DNHD1: variants seen among roughly 807,000 people sequenced by gnomAD.
DNHD1 encodes dynein heavy chain domain 1, also known as dynein heavy chain domain-containing protein 1.
A neutral mutation model predicts 458.1 loss-of-function variants in DNHD1; 383 were observed. The ratio of observed to expected loss-of-function variants is 0.84; its 90% CI spans 0.77 to 0.91. DNHD1 has a LOEUF of 0.91. Among genes scored for constraint, DNHD1 ranks in the 40% least tolerant of loss-of-function variants. The pLI is 0.00. For missense variants in DNHD1, 5,336 were observed against 5,866.1 expected, an observed-to-expected ratio of 0.91 and a Z score of 2.95; for synonymous variants, 2,203 against 2,376.9, an observed-to-expected ratio of 0.93 and a Z score of 2.13.
Position 6,557,229 on chromosome 11 carries a change from G to A in DNHD1, c.7934G>A (p.Arg2645His), listed in dbSNP as rs554435572. The change falls in exon 25 of 43, where the codon CGT becomes CAT. Residue 2645 changes from arginine to histidine, a missense_variant. By Grantham distance (29) the Arg-to-His change is conservative. This residue lies in a region of DNHD1 where 3,932 missense variants were observed against 4,365.6 expected (regional missense o/e 0.90). Transcript: ENST00000254579. ...TVMMATRNVV[R>H]LWLHEAQRTF... The stretch of plus-strand genomic sequence containing the variant: ...ATGATGGCCACACGCAATGTGGTGC[G>A]TCTTTGGTTGCATGAGGCACAGAGA... The A allele has an allele frequency of 7.0e-5, 108 of 1,551,554 alleles. 2 individuals are homozygous for A. In the South Asian group the frequency reaches 7.6e-4, roughly 11 times the overall value.
At chr11:6,506,235 C>A (rs771340349) in intron 4 of DNHD1, among the ~76,000 whole-genome samples, 4 of 152,164 alleles carry the variant, frequency 2.6e-5, no homozygotes, top group Non-Finnish European at 5.9e-5. Flanking sequence ...GCCAAGCTTT[C>A]AACAGACTCA....
At chr11:6,512,352 C>T (rs1852358016) in intron 7 of DNHD1, among the ~76,000 whole-genome samples, 1 of 150,450 alleles carries the variant, frequency 6.6e-6, no homozygotes, top group Non-Finnish European at 1.5e-5. Flanking sequence ...TCCCAAGTAG[C>T]TGGGACTACA....
At chr11:6,532,599 A>G (rs1365145512) in intron 12 of DNHD1, among the ~76,000 whole-genome samples, 1 of 152,140 alleles carries the variant, frequency 6.6e-6, no homozygotes, top group Non-Finnish European at 1.5e-5. Context: ...ATCTTTTTGG[A>G]GAATTAATAC....
intron 4 of DNHD1, among the ~76,000 whole-genome samples, chr11:6,504,680 C>T (rs948419492): frequency 2.6e-5 from 4 of 152,146 alleles, no homozygotes; most frequent in Admixed American, 2.6e-4. Context: ...AACTCCTGAC[C>T]TCAAGTGATC....
At chr11:6,499,954 T>G (rs1222537632) in intron 3 of DNHD1, among the ~76,000 whole-genome samples, 1 of 134,676 alleles carries the variant, frequency 7.4e-6, no homozygotes, top group Non-Finnish European at 1.6e-5. Flanking sequence ...CTCAGCGTTC[T>G]CTAACTTTCG....
chr11:6,567,920 G>C (rs1853745744), intron 36 of DNHD1, 60 bp downstream of exon 36: 2 of 1,499,694 alleles, frequency 1.3e-6, no homozygotes, highest in African/African-American at 1.4e-5. Context: ...GGGCATGGGG[G>C]ACCCCCTCCA....
At chr11:6,521,891 AT>A (rs1395589257) in intron 10 of DNHD1, among the ~76,000 whole-genome samples, 1 of 151,956 alleles carries the variant, frequency 6.6e-6, no homozygotes, top group African/African-American at 2.4e-5. Context: ...TAATTTTTAA[AT>A]TTTTTGTAGA....
Position 6,511,424 on chromosome 11 carries a change from C to T in DNHD1, c.1387C>T (p.Arg463Ter), listed in dbSNP as rs767629627. The change falls in exon 7 of 43, where the codon CGA becomes TGA. Residue 463 changes from arginine (R) to a stop codon, truncating the protein, a stop_gained. Coordinates refer to ENST00000254579, the MANE Select transcript of DNHD1 (RefSeq NM_144666.3). LOFTEE classifies it high-confidence loss of function. ...RCLNLCTSIL[R>*]LVHEDTYHMQ... ...CCTAAACCTCTGCACATCCATTCTTCGACTGGTAAGAGGCTCTTAGTTTAT... is the reference window on the plus strand; with the variant it reads ...CCTAAACCTCTGCACATCCATTCTTTGACTGGTAAGAGGCTCTTAGTTTAT... The T allele has an allele frequency of 9.0e-5, 145 of 1,613,958 alleles. No homozygotes were observed. Among genetic ancestry groups the T allele is most frequent in the Non-Finnish European group, 1.1e-4 (133 of 1,179,980 alleles).
In DNHD1 at chr11:6,547,534, A is replaced by C; in HGVS notation, c.6595A>C (p.Ser2199Arg). 1 of 1,551,308 alleles carries C rather than the reference A, an allele frequency of 6.4e-7. No homozygotes were observed. Among genetic ancestry groups the C allele is most frequent in the South Asian group, 1.2e-5 (1 of 84,038 alleles). Residue 2199 changes from serine to arginine, a missense_variant, in exon 21 of 43, where the codon AGC (serine) becomes CGC (arginine). By Grantham distance (110) the Ser-to-Arg change is moderately radical (BLOSUM62 -1). Coordinates refer to ENST00000254579, the MANE Select transcript of DNHD1 (RefSeq NM_144666.3). ...TLRFLTCQGV[S>R]SLLQVHGQQA... ...GCGATTCCTCACCTGCCAAGGTGTC[A>C]GCTCTCTGCTGCAGGTACACGGGCA...
chr11:6,547,831 G>A (rs1321736316), intron 21 of DNHD1, 32 bp from the exon 22 acceptor site: 3 of 1,549,098 alleles, frequency 1.9e-6, no homozygotes, highest in Admixed American at 3.9e-5. Flanking sequence ...TTTCTACTGG[G>A]GCTCCTCTCG....
chr11:6,558,058 G>T lies in DNHD1; in HGVS notation c.8763G>T (p.Glu2921Asp), dbSNP rs372037618. 1.4e-5 allele frequency: 22 copies of T among 1,551,746 alleles called. No homozygotes were observed. The African/African-American group carries it at 2.5e-4, about 17-fold the overall frequency. ...TTCATCTACCATCTGGGTCAGAGGA[G>T]GCCATTCTCCAATGTCTACGAGATG... ...HFFHLPSGSE[E>D]AILQCLRDAS... Residue 2921 changes from glutamate to aspartate, a missense_variant, in exon 25 of 43, where the codon GAG becomes GAT. By Grantham distance (45) the Glu-to-Asp change is conservative. Transcript: ENST00000254579.
chr11:6,544,940 G>A lies in DNHD1; in HGVS notation c.4001G>A (p.Gly1334Glu), dbSNP rs1251226708. 6.4e-7 allele frequency: 1 copy of A among 1,551,728 alleles called. No homozygotes were observed. The highest frequency in any genetic ancestry group is 2.0e-5 in the Admixed American group (1 of 51,008). ...GQQLQQLLQA[G>E]SVELEGIIMS... ...CAGCTGCAACAACTGCTGCAAGCAG[G>A]ATCGGTGGAGCTGGAGGGCATCATC... The change falls in exon 21 of 43, where the codon GGA becomes GAA. Residue 1334 changes from glycine to glutamate, a missense_variant. By Grantham distance (98) the Gly-to-Glu change is moderately conservative (BLOSUM62 -2). Transcript: ENST00000254579.
intron 7 of DNHD1, among the ~76,000 whole-genome samples, chr11:6,513,183 T>C (rs771784003): frequency 1.3e-5 from 2 of 152,204 alleles, no homozygotes; most frequent in Non-Finnish European, 2.9e-5. Context: ...ATAAAAATAG[T>C]TATAACTTTT....
chr11:6,546,002 C>CT lies in DNHD1; in HGVS notation c.5064dup (p.Asn1689Ter). On this transcript the variant is annotated frameshift_variant, in exon 21 of 43. Transcript: ENST00000254579. ...GTGGCCTGTGGGACCGTACTGGGTC[C>CT]TAATGGTGTGGGCAAGAGAGCTATA... 3 of 1,551,752 alleles carry CT rather than the reference C, an allele frequency of 1.9e-6. No homozygotes were observed. Among genetic ancestry groups the CT allele is most frequent in the Non-Finnish European group, 1.7e-6 (2 of 1,146,992 alleles).
At position 6,559,099 on chromosome 11, in the gene DNHD1, GC is replaced by G. The variant is rs1318441786; in HGVS notation, c.9412del (p.Gln3138SerfsTer10). 2 of 1,551,610 alleles carry G rather than the reference GC, an allele frequency of 1.3e-6. No individual in the cohort carries two copies. Among genetic ancestry groups the G allele is most frequent in the Non-Finnish European group, 1.7e-6 (2 of 1,146,988 alleles). ...QQTILKIKNK[A>X]QRVQNALENL... ...GACAATCCTGAAGATTAAGAACAAGGCCCAGCGGTGAGTGTCCCGTCCCCTG... is the reference window on the plus strand; with the variant it reads ...GACAATCCTGAAGATTAAGAACAAGGCCAGCGGTGAGTGTCCCGTCCCCTG... On this transcript the variant is annotated frameshift_variant, in exon 27 of 43. Transcript: ENST00000254579. LOFTEE classifies it high-confidence loss of function.
rs1350804498 is a variant in DNHD1 at position 6,557,979 on chromosome 11, C to G, written c.8684C>G (p.Thr2895Ser). Residue 2895 changes from threonine (T) to serine (S), a missense_variant, in exon 25 of 43, where the codon ACT becomes AGT. Transcript: ENST00000254579. Reference sequence around the variant, plus strand: ...CTGCTGCTCTCGGGGGCTCTGGGTACTGGGCGCCACACTGCCATCACTCTG... The same window carrying G: ...CTGCTGCTCTCGGGGGCTCTGGGTAGTGGGCGCCACACTGCCATCACTCTG... Reference protein sequence around the residue: ...HGLLLSGALGTGRHTAITLAS... With the variant: ...HGLLLSGALGSGRHTAITLAS... 12 of 1,551,594 alleles carry G rather than the reference C, an allele frequency of 7.7e-6. No homozygotes were observed. The highest frequency in any genetic ancestry group is 1.0e-5 in the Non-Finnish European group (12 of 1,147,014).
chr11:6,553,023 T>C (rs1417575329), intron 24 of DNHD1, among the ~76,000 whole-genome samples: 1 of 152,094 alleles, frequency 6.6e-6, no homozygotes, highest in Non-Finnish European at 1.5e-5. Flanking sequence ...TTTCAGAAAA[T>C]GGAGAATACT....
Position 6,538,645 on chromosome 11 carries a change from G to A in DNHD1, c.3160G>A (p.Gly1054Ser), listed in dbSNP as rs1263553152. 3 of 1,545,674 alleles carry A rather than the reference G, an allele frequency of 1.9e-6. No individual in the cohort carries two copies. The highest frequency in any genetic ancestry group is 2.6e-6 in the Non-Finnish European group (3 of 1,142,762). The change falls in exon 16 of 43, where the codon GGC (glycine) becomes AGC (serine). Residue 1054 changes from glycine to serine, a missense_variant. Coordinates refer to ENST00000254579, the MANE Select transcript of DNHD1 (RefSeq NM_144666.3). ...AGCTATGGCCCAGGAGAAGACAGAG[G>A]GCTGGCTGACAGAGGCAGCACGGAT... ...SPAMAQEKTE[G>S]WLTEAARMST...
chr11:6,563,564 G>C lies in DNHD1; in HGVS notation c.9852G>C (p.Gln3284His). The change falls in exon 30 of 43, where the codon CAG becomes CAC. Residue 3284 changes from glutamine to histidine, a missense_variant and splice_region_variant. Physicochemically the swap from Gln to His is conservative, Grantham distance 24. Coordinates refer to ENST00000254579, the MANE Select transcript of DNHD1 (RefSeq NM_144666.3). ...KQLLCTEDFY[Q>H]ELVFFPKEKI... ...TGTTATGCACTGAGGATTTTTATCA[G>C]GTAGGAAGGGTGGAGCACAATGAAG... 1 of 1,551,424 alleles carries C rather than the reference G, an allele frequency of 6.4e-7. No individual in the cohort carries two copies. The highest frequency in any genetic ancestry group is 1.4e-5 in the African/African-American group (1 of 73,152).
Sources: gnomAD v4.1 joint callset for allele counts (sites outside exome capture counted in the v4.1 genomes callset) on GRCh38, gnomAD v4.1.1 for gene constraint, gnomAD v4.1.1 regional missense constraint, MANE v1.5 for transcripts, NCBI Gene and HGNC (gene_info 2026-07-23, HGNC 2026-07-21) for gene names.